Variants in SMARCAD1 observed in about 807,000 individuals in gnomAD.
SMARCAD1 encodes the protein SWI/SNF-related matrix-associated actin-dependent regulator of chromatin subfamily A containing DEAD/H box 1.
Under a neutral mutation model 127.1 loss-of-function variants are expected in SMARCAD1, and 25 were observed. That is an observed-to-expected ratio of 0.20 (90% CI 0.14 to 0.27). The LOEUF (loss-of-function observed/expected upper bound fraction) is 0.27. Ranked by LOEUF, SMARCAD1 falls within the 10% of genes least tolerant of loss-of-function variation. The probability of loss-of-function intolerance (pLI) is 1.00; values close to 1 mark genes in which losing one functional copy is unlikely to be tolerated. For synonymous variants in SMARCAD1, 400 were observed against 396.9 expected, an observed-to-expected ratio of 1.01 and a Z score of -0.09; for missense variants, 807 against 1,206.0, an observed-to-expected ratio of 0.67 and a Z score of 4.90.
intron 11 of SMARCAD1, among the ~76,000 whole-genome samples, chr4:94,271,587 A>T (rs1752545754): frequency 6.6e-6 from 1 of 152,260 alleles, no homozygotes; most frequent in Non-Finnish European, 1.5e-5. Flanking sequence ...AATCTTTAGC[A>T]TTGTAAGATA....
rs115980938 is a variant in SMARCAD1 at position 94,231,748 on chromosome 4, C to G, written c.369-2206C>G. ...AGCTGATTTTTTTCAAAACCAAGAT[C>G]TAAATTACATTTGGCTATTAGGCTT... On this transcript the variant is annotated intron_variant, in intron 3 of 23. Coordinates refer to ENST00000354268, the MANE Select transcript of SMARCAD1 (RefSeq NM_020159.5). Among the ~76,000 whole-genome samples the G allele has an allele frequency of 2.9e-3, 439 of 152,054 alleles. 2 individuals carry two copies. The highest frequency in any genetic ancestry group is 0.01 in the African/African-American group (418 of 41,464).
intron 10 of SMARCAD1, among the ~76,000 whole-genome samples, chr4:94,269,730 A>G (rs949314658): frequency 6.6e-6 from 1 of 152,098 alleles, no homozygotes; most frequent in African/African-American, 2.4e-5. Flanking sequence ...GTGCAATGGC[A>G]TGATCTCAGC....
chr4:94,211,468 T>C (rs1229578248), intron 2 of SMARCAD1, among the ~76,000 whole-genome samples: 1 of 152,208 alleles, frequency 6.6e-6, no homozygotes, highest in Non-Finnish European at 1.5e-5. Flanking sequence ...AGGATGTGAC[T>C]ATTGACCTTA....
chr4:94,234,036 C>G lies in SMARCAD1; in HGVS notation c.451C>G (p.Leu151Val), dbSNP rs925409123. 3 of 1,613,692 alleles carry G rather than the reference C, an allele frequency of 1.9e-6. No homozygotes were observed. The highest frequency in any genetic ancestry group is 2.5e-6 in the Non-Finnish European group (3 of 1,179,794). The change falls in exon 4 of 24, where the codon CTT becomes GTT. Residue 151 changes from leucine to valine, a missense_variant. Leu to Val is a conservative substitution (Grantham distance 32). Transcript: ENST00000354268. ...RNDDISELEDLSELEDLKDAK... is the reference protein window; with the variant it reads ...RNDDISELEDVSELEDLKDAK... ...TGATGATATTTCAGAACTGGAAGAC[C>G]TTTCGGAATTGGAAGACCTTAAAGA...
intron 2 of SMARCAD1, among the ~76,000 whole-genome samples, chr4:94,213,979 A>T (rs1229979262): frequency 1.3e-5 from 2 of 152,194 alleles, no homozygotes; most frequent in Admixed American, 1.3e-4. Flanking sequence ...TTGAAGGATG[A>T]CTAGAATAGT....
intron 2 of SMARCAD1, among the ~76,000 whole-genome samples, chr4:94,216,088 T>G (rs1743127153): frequency 6.6e-6 from 1 of 152,118 alleles, no homozygotes; most frequent in African/African-American, 2.4e-5. Flanking sequence ...CTCAGGGCCC[T>G]ATTCCTAGAC....
intron 6 of SMARCAD1, among the ~76,000 whole-genome samples, chr4:94,247,526 A>C (rs1748626340): frequency 6.6e-6 from 1 of 152,182 alleles, no homozygotes; most frequent in Admixed American, 6.5e-5. Context: ...TTTTTTATTG[A>C]GGTGAAATTC....
In SMARCAD1 at chr4:94,249,705, G is replaced by A. The variant is rs773101703; in HGVS notation, c.757G>A (p.Glu253Lys). ...ATCTAGCAGTAATTGGGAAAAGCAGGAAAGTATTGTACTGAAATTGCAAAA... is the reference window on the plus strand; with the variant it reads ...ATCTAGCAGTAATTGGGAAAAGCAGAAAAGTATTGTACTGAAATTGCAAAA... Reference protein sequence around the residue: ...AESSSNWEKQESIVLKLQKEF... With the variant: ...AESSSNWEKQKSIVLKLQKEF... Residue 253 changes from glutamate to lysine, a missense_variant, in exon 7 of 24, where the codon GAA (glutamate) becomes AAA (lysine). Physicochemically the swap from Glu to Lys is moderately conservative, Grantham distance 56. This residue lies in a region of SMARCAD1 where 257 missense variants were observed against 303.4 expected (regional missense o/e 0.85). Coordinates refer to ENST00000354268, the MANE Select transcript of SMARCAD1 (RefSeq NM_020159.5). 2 of 1,610,538 alleles carry A rather than the reference G, an allele frequency of 1.2e-6. No individual in the cohort carries two copies. Among genetic ancestry groups the A allele is most frequent in the Non-Finnish European group, 1.7e-6 (2 of 1,177,162 alleles).
chr4:94,260,906 AC>A (rs1366090754), intron 9 of SMARCAD1, among the ~76,000 whole-genome samples: 5 of 152,094 alleles, frequency 3.3e-5, no homozygotes, highest in Non-Finnish European at 7.4e-5. Flanking sequence ...AAGACATCAA[AC>A]TTAAATGTGT....
chr4:94,251,537 G>C (rs942939934), intron 8 of SMARCAD1, among the ~76,000 whole-genome samples: 3 of 152,158 alleles, frequency 2.0e-5, no homozygotes, highest in African/African-American at 4.8e-5. Flanking sequence ...CACCAAATAT[G>C]AGTTTGAAAA....
At chr4:94,251,877 A>T (rs1749325841) in intron 8 of SMARCAD1, among the ~76,000 whole-genome samples, 1 of 151,856 alleles carries the variant, frequency 6.6e-6, no homozygotes, top group African/African-American at 2.4e-5. Context: ...TTTGAGACGG[A>T]GTCTTGCTCT....
chr4:94,273,723 A>G lies in SMARCAD1; in HGVS notation c.1672+7A>G. On this transcript the variant is annotated splice_region_variant and intron_variant, in intron 12 of 23. Transcript: ENST00000354268. ...GTTCCAGCTTCAACTATAGGTTTGT[A>G]ATACTGGAGACAACTGTATTTAACT... 3.1e-6 allele frequency: 5 copies of G among 1,595,962 alleles called. No homozygotes were observed. The highest frequency in any genetic ancestry group is 4.3e-6 in the Non-Finnish European group (5 of 1,163,720).
At chr4:94,214,333 A>G (rs542020624) in intron 2 of SMARCAD1, among the ~76,000 whole-genome samples, 27 of 148,604 alleles carry the variant, frequency 1.8e-4, no homozygotes, top group African/African-American at 5.0e-4. Context: ...CGCAATCTCA[A>G]CTCACTGCAA....
intron 4 of SMARCAD1, 133 bp downstream of exon 4, chr4:94,234,255 A>T: frequency 3.7e-6 from 3 of 817,740 alleles, no homozygotes; most frequent in East Asian, 5.4e-5. Flanking sequence ...AATCTAAAGG[A>T]AGTAAATGCC....
chr4:94,278,961 C>G lies in SMARCAD1; in HGVS notation c.2329C>G (p.Gln777Glu). 1 of 1,613,962 alleles carries G rather than the reference C, an allele frequency of 6.2e-7. No individual in the cohort carries two copies. The highest frequency in any genetic ancestry group is 8.5e-7 in the Non-Finnish European group (1 of 1,179,950). The change falls in exon 19 of 24, where the codon CAG becomes GAG. Residue 777 changes from glutamine (Q) to glutamate (E), a missense_variant. This residue lies in a region of SMARCAD1 where 99 missense variants were observed against 126.0 expected (regional missense o/e 0.79). Transcript: ENST00000354268. ...KNTEMCNVMM[Q>E]LRKMANHPLL... ...CACAGAAATGTGCAATGTCATGATG[C>G]AGTTGAGGAAAATGGCCAATCATCC...
At position 94,252,888 on chromosome 4, in the gene SMARCAD1, A is replaced by G; in HGVS notation, c.1162A>G (p.Lys388Glu). Residue 388 changes from lysine (K) to glutamate (E), a missense_variant, in exon 9 of 24, where the codon AAA (lysine) becomes GAA (glutamate). Lys to Glu is a moderately conservative substitution (Grantham distance 56). Around this residue, in one of 8 missense-constraint regions of SMARCAD1, gnomAD observed 257 missense variants for 303.4 expected, o/e 0.85. Coordinates refer to ENST00000354268, the MANE Select transcript of SMARCAD1 (RefSeq NM_020159.5). ...AGTGATGGAGGATGGCTATAAAGGT[A>G]AAATTCTTCACTTCCTTCAAGATGC... ...EEVMEDGYKG[K>E]ILHFLQDASI... The G allele has an allele frequency of 6.2e-7, 1 of 1,614,148 alleles. No homozygotes were observed. The highest frequency in any genetic ancestry group is 8.5e-7 in the Non-Finnish European group (1 of 1,180,010).
intron 6 of SMARCAD1, among the ~76,000 whole-genome samples, chr4:94,248,969 T>C (rs1356256596): frequency 6.6e-6 from 1 of 152,186 alleles, no homozygotes; most frequent in Non-Finnish European, 1.5e-5. Context: ...TTTGATTGAC[T>C]AAAATTTTTC....
chr4:94,227,792 G>T (rs1355810169), intron 3 of SMARCAD1, among the ~76,000 whole-genome samples: 1 of 152,176 alleles, frequency 6.6e-6, no homozygotes, highest in Non-Finnish European at 1.5e-5. Context: ...TTTGAGTTCT[G>T]GGGAGAGATT....
chr4:94,265,848 A>G (rs1751667704), intron 10 of SMARCAD1, among the ~76,000 whole-genome samples: 1 of 152,036 alleles, frequency 6.6e-6, no homozygotes, highest in South Asian at 2.1e-4. Context: ...CATCTGTTCA[A>G]AGTATTTCTG....
Sources: gnomAD v4.1 joint callset for allele counts (sites outside exome capture counted in the v4.1 genomes callset) on GRCh38, gnomAD v4.1.1 for gene constraint, gnomAD v4.1.1 regional missense constraint, MANE v1.5 for transcripts, NCBI Gene and HGNC (gene_info 2026-07-23, HGNC 2026-07-21) for gene names.